Variants in BACE2 observed in about 807,000 individuals in gnomAD.
BACE2 encodes the protein beta-secretase 2, also known as 56 kDa aspartic-like protease.
Under a neutral mutation model 46.2 loss-of-function variants are expected in BACE2, and 17 were observed. The ratio of observed to expected loss-of-function variants is 0.37; its 90% CI spans 0.25 to 0.55. The LOEUF is 0.55. BACE2 is among the 20% of genes least tolerant of loss of function. BACE2 has a pLI of 0.82. For synonymous variants in BACE2, 277 were observed against 295.9 expected, an observed-to-expected ratio of 0.94 and a Z score of 0.66; for missense variants, 595 against 698.1, an observed-to-expected ratio of 0.85 and a Z score of 1.66.
rs1169677720 is a variant in BACE2 at position 41,282,069 on chromosome 21, A to T, written c.*6445A>T. 1 of 152,180 alleles carries T rather than the reference A, an allele frequency of 6.6e-6. No individual in the cohort carries two copies. Among genetic ancestry groups the T allele is most frequent in the Non-Finnish European group, 1.5e-5 (1 of 68,014 alleles). The allele number at this position is 152,180 out of a possible 1,614,324, so 9.4% of individuals were successfully genotyped here. ...ACCACTCATTTTTTTCTTAAAGTTG[A>T]TGCCTTTTCTGCTGTGCTAGAGTCA... On this transcript the variant is annotated 3_prime_UTR_variant, in exon 9 of 9. Transcript: ENST00000330333.
intron 1 of BACE2, among the ~76,000 whole-genome samples, chr21:41,171,466 C>T (rs1373904798): frequency 6.6e-6 from 1 of 152,228 alleles, no homozygotes; most frequent in African/African-American, 2.4e-5. Context: ...GGAAGCCCGC[C>T]TGAGAGCTGC....
intron 8 of BACE2, among the ~76,000 whole-genome samples, chr21:41,269,647 G>T (rs548713012): frequency 2.0e-5 from 3 of 152,222 alleles, no homozygotes; most frequent in Admixed American, 1.3e-4. Context: ...TTATTTTGAG[G>T]TTCATCTATA....
At chr21:41,201,317 G>A (rs1985960840) in intron 1 of BACE2, among the ~76,000 whole-genome samples, 1 of 152,262 alleles carries the variant, frequency 6.6e-6, no homozygotes, top group South Asian at 2.1e-4. Context: ...ATTAAGTAGA[G>A]TTGAGTTTGT....
At chr21:41,190,251 CA>C (rs1985520238) in intron 1 of BACE2, among the ~76,000 whole-genome samples, 1 of 152,146 alleles carries the variant, frequency 6.6e-6, no homozygotes, top group African/African-American at 2.4e-5. Flanking sequence ...ACATAATCTT[CA>C]AATAAAGACA....
rs528405385 is a variant in BACE2 at position 41,267,058 on chromosome 21, G to A, written c.1304-8313G>A. Among the ~76,000 whole-genome samples the A allele has an allele frequency of 4.6e-5, 7 of 152,162 alleles. No homozygotes were observed. The South Asian group carries it at 1.5e-3, about 32-fold the overall frequency. ...GGGGAGCAGTGAGTGGGAGCTCCTT[G>A]ATTAGAATCTCCTGGGACACTTTTT... On this transcript the variant is annotated intron_variant, in intron 8 of 8. Coordinates refer to ENST00000330333, the MANE Select transcript of BACE2 (RefSeq NM_012105.5).
intron 1 of BACE2, among the ~76,000 whole-genome samples, chr21:41,205,362 A>G (rs1233642877): frequency 3.9e-5 from 6 of 152,206 alleles, no homozygotes; most frequent in Non-Finnish European, 8.8e-5. Flanking sequence ...GTTTTCATAG[A>G]TGAGATACAT....
intron 1 of BACE2, among the ~76,000 whole-genome samples, chr21:41,219,633 G>A (rs1986577437): frequency 1.3e-5 from 2 of 152,140 alleles, no homozygotes; most frequent in African/African-American, 4.8e-5. Context: ...GACTGACCTA[G>A]GGACGGATCT....
intron 1 of BACE2, chr21:41,176,074 G>A (rs779493921): frequency 6.6e-6 from 1 of 152,192 alleles, no homozygotes. Flanking sequence ...TTCCTCATCT[G>A]TAAATCAGGG....
intron 3 of BACE2, among the ~76,000 whole-genome samples, chr21:41,241,510 C>T (rs1987284648): frequency 6.6e-6 from 1 of 152,192 alleles, no homozygotes; most frequent in African/African-American, 2.4e-5. Context: ...CGGTAACCTA[C>T]TTCCACGGCT....
At chr21:41,202,373 G>A (rs906833771) in intron 1 of BACE2, among the ~76,000 whole-genome samples, 4 of 152,210 alleles carry the variant, frequency 2.6e-5, no homozygotes, top group Non-Finnish European at 5.9e-5. Flanking sequence ...CACCCCAGAG[G>A]GATGCCATGG....
At chr21:41,253,420 C>T (rs993432030) in intron 7 of BACE2, among the ~76,000 whole-genome samples, 8 of 139,744 alleles carry the variant, frequency 5.7e-5, no homozygotes, top group South Asian at 2.3e-4. Flanking sequence ...CCAGCCTGGA[C>T]GACAGTGTGA....
chr21:41,199,637 G>A (rs541271788), intron 1 of BACE2, among the ~76,000 whole-genome samples: 3 of 152,250 alleles, frequency 2.0e-5, no homozygotes, highest in African/African-American at 4.8e-5. Context: ...CAGCTCAGAA[G>A]GGCAAGAGAA....
Position 41,250,865 on chromosome 21 carries a change from C to T in BACE2, c.1098C>T (p.Asn366=). 6.2e-7 allele frequency: 1 copy of T among 1,614,170 alleles called. No homozygotes were observed. Among genetic ancestry groups the T allele is most frequent in the Non-Finnish European group, 8.5e-7 (1 of 1,179,992 alleles). ...PKISIYLRDE[N]SSRSFRITIL... is the part of the protein sequence containing the mutation. ...TCTCCATCTACCTGAGAGACGAGAA[C>T]TCCAGCAGGTCATTCCGTATCACAA... Residue 366 remains asparagine, a synonymous_variant, in exon 7 of 9, where the codon AAC becomes AAT. Coordinates refer to ENST00000330333, the MANE Select transcript of BACE2 (RefSeq NM_012105.5).
At chr21:41,252,185 G>A (rs566781873) in intron 7 of BACE2, among the ~76,000 whole-genome samples, 7 of 152,226 alleles carry the variant, frequency 4.6e-5, no homozygotes, top group Non-Finnish European at 1.0e-4. Context: ...CTCAGGGCTC[G>A]CTCCTGGCAT....
chr21:41,268,273 T>G (rs893554143), intron 8 of BACE2, among the ~76,000 whole-genome samples: 8 of 152,210 alleles, frequency 5.3e-5, no homozygotes, highest in African/African-American at 1.9e-4. Context: ...AGCTTGTATG[T>G]GGGAGCTAGG....
chr21:41,263,128 G>C (rs1987981469), intron 8 of BACE2, among the ~76,000 whole-genome samples: 1 of 152,062 alleles, frequency 6.6e-6, no homozygotes, highest in South Asian at 2.1e-4. Context: ...TTCCTTCTCA[G>C]TCCTAAATTT....
intron 5 of BACE2, among the ~76,000 whole-genome samples, chr21:41,243,719 C>T (rs903638045): frequency 6.6e-5 from 10 of 152,154 alleles, no homozygotes; most frequent in African/African-American, 2.4e-4. Context: ...TCCTCCCAAC[C>T]ACTTATCTTC....
rs1268654906 is a variant in BACE2, at chr21:41,184,734, G to A, written c.312+16159G>A. The A allele has an allele frequency of 1.8e-5, 3 of 167,072 alleles. No homozygotes were observed. The Admixed American group carries it at 2.0e-4, about 11-fold the overall frequency. 10.3% of individuals were successfully genotyped at this position (167,072 alleles called of 1,614,324 possible). A position where few individuals can be genotyped will look rare whatever the true frequency, so the allele number is the denominator to read the frequency against. On this transcript the variant is annotated intron_variant, in intron 1 of 8. Transcript: ENST00000330333. ...AACCCCCACTCAGGACTGGGGGACT[G>A]AAGAGACTCTGGGGAGGCTTATGAA... is the stretch of plus-strand genomic sequence containing the variant.
chr21:41,260,756 G>A (rs951199217), intron 8 of BACE2, among the ~76,000 whole-genome samples: 7 of 152,286 alleles, frequency 4.6e-5, no homozygotes, highest in East Asian at 1.9e-4. Context: ...TCCGTTGGTC[G>A]CACAGAATGA....
Sources: allele counts gnomAD v4.1 joint callset (sites outside exome capture counted in the v4.1 genomes callset), GRCh38; gene constraint gnomAD v4.1.1; transcripts MANE v1.5; gene names NCBI Gene and HGNC (gene_info 2026-07-23, HGNC 2026-07-21).